LRP1B: variants seen among roughly 807,000 people sequenced by gnomAD.
LRP1B encodes the protein low-density lipoprotein receptor-related protein 1B.
In LRP1B, 217 loss-of-function variants were observed where a neutral mutation model predicts 556.6. That is an observed-to-expected ratio of 0.39 (90% CI 0.35 to 0.44). The LOEUF is 0.44. Ranked by LOEUF, LRP1B falls within the 20% of genes least tolerant of loss-of-function variation. The pLI is 1.00. For synonymous variants in LRP1B, 2,047 were observed against 1,865.8 expected (o/e 1.10, Z -2.50); for missense variants, 5,053 against 5,620.8 (o/e 0.90, Z 3.23).
At chr2:141,420,331 T>C (rs760104792) in intron 3 of LRP1B, among the ~76,000 whole-genome samples, 103 of 152,320 alleles carry the variant, frequency 6.8e-4, no homozygotes, top group Non-Finnish European at 1.2e-3. Context: ...CATTTGAAAA[T>C]GCAGCCACGT....
intron 2 of LRP1B, among the ~76,000 whole-genome samples, chr2:141,526,000 G>A (rs901003416): frequency 6.6e-6 from 1 of 151,952 alleles, no homozygotes; most frequent in Non-Finnish European, 1.5e-5. Context: ...TCAATGAGGT[G>A]AATAATATTA....
At chr2:141,395,866 G>A (rs759868485) in intron 3 of LRP1B, among the ~76,000 whole-genome samples, 1 of 152,124 alleles carries the variant, frequency 6.6e-6, no homozygotes, top group Non-Finnish European at 1.5e-5. Flanking sequence ...ATCCCAAAGC[G>A]ATAACGTTTG....
chr2:141,141,411 T>G (rs1412571729), intron 7 of LRP1B, among the ~76,000 whole-genome samples: 3 of 152,174 alleles, frequency 2.0e-5, no homozygotes, highest in Admixed American at 6.5e-5. Context: ...ATACTAAGAA[T>G]GCAAACACAG....
chr2:140,944,973 C>T (rs540220668), intron 20 of LRP1B, among the ~76,000 whole-genome samples: 8 of 152,230 alleles, frequency 5.3e-5, no homozygotes, highest in African/African-American at 1.9e-4. Flanking sequence ...GTCAAATTAT[C>T]TGTCTTAACT....
chr2:140,801,461 G>A (rs1459086296), intron 32 of LRP1B, among the ~76,000 whole-genome samples: 1 of 152,100 alleles, frequency 6.6e-6, no homozygotes, highest in East Asian at 1.9e-4. Context: ...GGATAGAGGA[G>A]AACAAAATGA....
intron 11 of LRP1B, among the ~76,000 whole-genome samples, chr2:141,028,087 AC>A (rs1698266168): frequency 6.6e-6 from 1 of 152,112 alleles, no homozygotes; most frequent in Non-Finnish European, 1.5e-5. Context: ...CAAATTCTTG[AC>A]TAAAGTTACT....
chr2:141,697,056 C>CT (rs1405901730), intron 2 of LRP1B, among the ~76,000 whole-genome samples: 1 of 151,870 alleles, frequency 6.6e-6, no homozygotes, highest in Admixed American at 6.6e-5. Context: ...ATATCACGTT[C>CT]TTTTTTTATT....
chr2:141,813,442 G>A (rs1696424582), intron 1 of LRP1B, among the ~76,000 whole-genome samples: 2 of 152,102 alleles, frequency 1.3e-5, no homozygotes, highest in African/African-American at 4.8e-5. Flanking sequence ...AAGGGCTAAG[G>A]ATTTGAGGCA....
At chr2:140,946,661 C>G (rs1167930453) in intron 20 of LRP1B, among the ~76,000 whole-genome samples, 1 of 151,990 alleles carries the variant, frequency 6.6e-6, no homozygotes, top group Non-Finnish European at 1.5e-5. Flanking sequence ...TTTGACCCAG[C>G]AATCTCATTA....
intron 2 of LRP1B, among the ~76,000 whole-genome samples, chr2:141,690,943 G>A (rs75280117): frequency 1.5e-3 from 224 of 151,700 alleles, no homozygotes; most frequent in African/African-American, 5.1e-3. Flanking sequence ...TGAGACATAC[G>A]GGGGACGAAA....
chr2:141,780,182 G>T (rs988799835), intron 2 of LRP1B, among the ~76,000 whole-genome samples: 2 of 151,216 alleles, frequency 1.3e-5, no homozygotes, highest in African/African-American at 2.4e-5. Context: ...ATAAAAAAAA[G>T]AAGAATGTTT....
intron 2 of LRP1B, among the ~76,000 whole-genome samples, chr2:141,782,854 G>T (rs894339814): frequency 1.1e-4 from 17 of 151,896 alleles, no homozygotes; most frequent in Non-Finnish European, 2.9e-5. Flanking sequence ...TCTGTGTAAG[G>T]CACTGTGTTA....
intron 1 of LRP1B, among the ~76,000 whole-genome samples, chr2:142,115,435 T>G (rs1289621268): frequency 1.5e-5 from 2 of 129,226 alleles, no homozygotes; most frequent in African/African-American, 5.9e-5. Flanking sequence ...AAAAATAAAA[T>G]AAAATATCTG....
intron 55 of LRP1B, among the ~76,000 whole-genome samples, chr2:140,497,799 A>G (rs1048411110): frequency 3.3e-5 from 5 of 151,954 alleles, no homozygotes; most frequent in African/African-American, 1.2e-4. Context: ...GAAGTACTAT[A>G]TGAAATAGAT....
At position 140,836,710 on chromosome 2, in the gene LRP1B, T is replaced by C. The variant is rs188623172; in HGVS notation, c.5209+3281A>G. 3.9e-5 allele frequency among the ~76,000 whole-genome samples: 6 copies of C among 152,286 alleles called. No individual in the cohort carries two copies. In the East Asian group the frequency reaches 1.2e-3, roughly 29 times the overall value. ...GGGCAGACAGAGATGTGACAGTATA[T>C]AGCAAGCTGGGGAATTGCTGAGGAG... On this transcript the variant is annotated intron_variant, in intron 31 of 90. Coordinates refer to ENST00000389484, the MANE Select transcript of LRP1B (RefSeq NM_018557.3).
At chr2:141,689,587 A>T (rs1691439566) in intron 2 of LRP1B, among the ~76,000 whole-genome samples, 1 of 151,836 alleles carries the variant, frequency 6.6e-6, no homozygotes, top group Non-Finnish European at 1.5e-5. Context: ...GAGAAACAAA[A>T]CTCATAATAA....
At chr2:141,218,700 C>T (rs1271414194) in intron 6 of LRP1B, among the ~76,000 whole-genome samples, 1 of 152,140 alleles carries the variant, frequency 6.6e-6, no homozygotes, top group African/African-American at 2.4e-5. Context: ...GTGACAGATT[C>T]AGTTGATGTC....
chr2:140,722,900 G>A (rs761168912), intron 35 of LRP1B, among the ~76,000 whole-genome samples: 7 of 152,082 alleles, frequency 4.6e-5, no homozygotes, highest in South Asian at 2.1e-4. Context: ...AAAATTAGCC[G>A]GGCATGTTGG....
intron 3 of LRP1B, among the ~76,000 whole-genome samples, chr2:141,334,192 G>A (rs1006467701): frequency 6.6e-6 from 1 of 152,186 alleles, no homozygotes; most frequent in Non-Finnish European, 1.5e-5. Flanking sequence ...CAAATCTCCT[G>A]TCCAACTGTA....
Sources: allele counts gnomAD v4.1 joint callset (sites outside exome capture counted in the v4.1 genomes callset), GRCh38; gene constraint gnomAD v4.1.1; transcripts MANE v1.5; gene names NCBI Gene and HGNC (gene_info 2026-07-23, HGNC 2026-07-21).